The following CTBP1 variants were observed in gnomAD, a reference collection of about 807,000 sequenced individuals.
CTBP1 encodes the protein C-terminal binding protein 1, also known as C-terminal-binding protein 1.
CTBP1 carries 11 observed loss-of-function variants against 42.1 expected under a neutral mutation model. The ratio of observed to expected loss-of-function variants is 0.26; its 90% CI spans 0.16 to 0.43. The LOEUF (loss-of-function observed/expected upper bound fraction) is 0.43, where lower values mean the gene tolerates loss of function less well. Among genes scored for constraint, CTBP1 ranks in the 20% least tolerant of loss-of-function variants. The probability of loss-of-function intolerance (pLI) is 1.00; values close to 1 mark genes in which losing one functional copy is unlikely to be tolerated. For missense variants in CTBP1, 399 were observed against 624.3 expected, an observed-to-expected ratio of 0.64 and a Z score of 3.85; for synonymous variants, 324 against 277.1, an observed-to-expected ratio of 1.17 and a Z score of -1.68.
In CTBP1 at chr4:1,233,732, G is replaced by A. The variant is rs574777157; in HGVS notation, c.162+4451C>T. On this transcript the variant is annotated intron_variant, in intron 3 of 9. Transcript: ENST00000382952. This position sits in a 1 kb window ranked among gnomAD's most constrained non-coding sequence, Gnocchi z 4.6. The stretch of plus-strand genomic sequence containing the variant: ...CCTCCCAGGCCCCGACATTCTTCCC[G>A]CTCCTCCTGTGACCGCACTGACGGT... Among the ~76,000 whole-genome samples the A allele has an allele frequency of 2.0e-4, 31 of 152,234 alleles. No individual in the cohort carries two copies. The highest frequency in any genetic ancestry group is 3.1e-4 in the Non-Finnish European group (21 of 68,014).
Position 1,247,481 on chromosome 4 carries a change from G to C in CTBP1, c.-189+1435C>G, listed in dbSNP as rs976526784. 1.2e-4 allele frequency among the ~76,000 whole-genome samples: 18 copies of C among 152,276 alleles called. No individual in the cohort carries two copies. In the East Asian group the frequency reaches 3.1e-3, roughly 26 times the overall value. On this transcript the variant is annotated intron_variant, in intron 1 of 9. Transcript: ENST00000382952. ...GCAGGCAGGGGAGACCTGGGAGGCC[G>C]GGTGCTGAGGCCCAGGGCAGAGCCA...
At chr4:1,227,608 G>A (rs377572342) in intron 4 of CTBP1, among the ~76,000 whole-genome samples, 3 of 145,838 alleles carry the variant, frequency 2.1e-5, no homozygotes, top group East Asian at 4.2e-4. Flanking sequence ...GCATGTGCAC[G>A]GGTGCAGATG....
chr4:1,244,350 GCACT>G, intron 1 of CTBP1: 4 of 842,672 alleles, frequency 4.7e-6, no homozygotes, highest in Non-Finnish European at 5.4e-6. Flanking sequence ...GGGTCTCTGG[GCACT>G]GGGGGGGGGG....
chr4:1,226,769 GC>G (rs1317184514), intron 4 of CTBP1, among the ~76,000 whole-genome samples: 4 of 151,628 alleles, frequency 2.6e-5, no homozygotes, highest in African/African-American at 9.7e-5. Context: ...TTCCTGGGAC[GC>G]CACCACAGAG....
intron 4 of CTBP1, among the ~76,000 whole-genome samples, chr4:1,226,427 G>C (rs3775104): frequency 0.026 from 3,950 of 152,166 alleles, 339 homozygotes; most frequent in Admixed American, 0.18. Flanking sequence ...GGTTCCGCAA[G>C]GGGTCCCGGG....
intron 1 of CTBP1, among the ~76,000 whole-genome samples, chr4:1,245,809 G>A (rs1732662934): frequency 6.6e-6 from 1 of 152,040 alleles, no homozygotes; most frequent in Non-Finnish European, 1.5e-5. Flanking sequence ...GGCGGTGCCA[G>A]GGGAGGGTGC....
chr4:1,244,474 G>T (rs1378332107), intron 1 of CTBP1: 1 of 985,018 alleles, frequency 1.0e-6, no homozygotes, highest in Non-Finnish European at 1.2e-6. Flanking sequence ...TCAGACCCAG[G>T]CTCGGCAGCT....
At chr4:1,232,343 G>A (rs575831263) in intron 3 of CTBP1, among the ~76,000 whole-genome samples, 1 of 152,220 alleles carries the variant, frequency 6.6e-6, no homozygotes, top group African/African-American at 2.4e-5. Context: ...ACAGAGTCTT[G>A]CTCTGTTGCC....
intron 1 of CTBP1, among the ~76,000 whole-genome samples, chr4:1,246,027 A>C (rs1732683406): frequency 6.6e-6 from 1 of 152,202 alleles, no homozygotes; most frequent in Non-Finnish European, 1.5e-5. Context: ...TTCTGGCTTC[A>C]CAGGGAAAAA....
intron 5 of CTBP1, among the ~76,000 whole-genome samples, chr4:1,224,119 T>C (rs1402507518): frequency 6.6e-6 from 1 of 152,250 alleles, no homozygotes; most frequent in Admixed American, 6.5e-5. Flanking sequence ...GGCGAGCACA[T>C]GCTAGACCGT....
At position 1,225,548 on chromosome 4, in the gene CTBP1, A is replaced by G; in HGVS notation, c.326T>C (p.Val109Ala). ...CGTCTCCTCCACAGACGCCGCGGGC[A>G]CGTTGCAGACGGCAATGCCTGTGGG... ...AGDLGIAVCN[V>A]PAASVEETAD... Residue 109 changes from valine (V) to alanine (A), a missense_variant, in exon 5 of 10, where the codon GTG becomes GCG. Around this residue, in one of 4 missense-constraint regions of CTBP1, gnomAD observed 309 missense variants for 497.5 expected, o/e 0.62. Coordinates refer to ENST00000382952, the MANE Select transcript of CTBP1 (RefSeq NM_001012614.2). 1 of 1,541,550 alleles carries G rather than the reference A, an allele frequency of 6.5e-7. No individual in the cohort carries two copies. Among genetic ancestry groups the G allele is most frequent in the Non-Finnish European group, 8.7e-7 (1 of 1,146,474 alleles).
intron 5 of CTBP1, chr4:1,221,690 T>C (rs1577031070): frequency 6.2e-6 from 2 of 320,716 alleles, no homozygotes; most frequent in East Asian, 1.1e-4. Context: ...CCCTCTGCTC[T>C]AGGAAGCGGG....
intron 3 of CTBP1, among the ~76,000 whole-genome samples, chr4:1,229,551 G>A (rs560297163): frequency 4.1e-4 from 62 of 152,308 alleles, no homozygotes; most frequent in Middle Eastern, 3.4e-3. Flanking sequence ...AGAGGTTGCC[G>A]GGGCCTAGGT....
At chr4:1,215,855 TG>T (rs972337626) in intron 6 of CTBP1, 135 bp downstream of exon 6, 2 of 914,106 alleles carry the variant, frequency 2.2e-6, no homozygotes, top group Non-Finnish European at 3.3e-6. Context: ...CCAGCAGGGC[TG>T]GCAGCCGCCG....
chr4:1,238,483 A>C lies in CTBP1; in HGVS notation c.8-146T>G. ...TATGTTGTGATATTTGTAAAAAGTA[A>C]ATTAAAAATCCACGTGAAAGACAAC... On this transcript the variant is annotated intron_variant, in intron 2 of 9. Transcript: ENST00000382952. The surrounding 1 kb of genome is among the most constrained non-coding windows in gnomAD (Gnocchi z 5.9). 1 of 1,054,198 alleles carries C rather than the reference A, an allele frequency of 9.5e-7. No homozygotes were observed. The highest frequency in any genetic ancestry group is 1.3e-6 in the Non-Finnish European group (1 of 767,240). 65.3% of individuals were successfully genotyped at this position (1,054,198 alleles called of 1,614,324 possible).
intron 1 of CTBP1, chr4:1,242,346 G>C (rs575607289): frequency 1.0e-6 from 1 of 985,260 alleles, no homozygotes; most frequent in African/African-American, 1.7e-5. Flanking sequence ...ACGTGCAGCT[G>C]ACATCAGGCT....
In CTBP1 at chr4:1,238,008, G is replaced by A. The variant is rs1055205219; in HGVS notation, c.162+175C>T. 6 of 831,220 alleles carry A rather than the reference G, an allele frequency of 7.2e-6. No homozygotes were observed. The highest frequency in any genetic ancestry group is 1.4e-5 in the South Asian group (1 of 72,270). 51.5% of individuals were successfully genotyped at this position (831,220 alleles called of 1,614,324 possible). A position where few individuals can be genotyped will look rare whatever the true frequency, so the allele number is the denominator to read the frequency against. ...GCAAACCCGATGTCCACCTCCTGAT[G>A]GTGTCCAGGGAAAACCCCGTGTCCA... On this transcript the variant is annotated intron_variant, in intron 3 of 9. Transcript: ENST00000382952. This position sits in a 1 kb window ranked among gnomAD's most constrained non-coding sequence, Gnocchi z 5.9.
At chr4:1,245,522 G>A in intron 1 of CTBP1, 1 of 985,336 alleles carries the variant, frequency 1.0e-6, no homozygotes, top group Non-Finnish European at 1.2e-6. Context: ...CAGCCCAGGA[G>A]CCCCCACACC....
Position 1,214,523 on chromosome 4 carries a change from G to C in CTBP1, c.730-50C>G, listed in dbSNP as rs369539188. 2.0e-6 allele frequency: 3 copies of C among 1,512,596 alleles called. No homozygotes were observed. The East Asian group carries it at 7.9e-5, about 40-fold the overall frequency. 93.7% of individuals were successfully genotyped at this position (1,512,596 alleles called of 1,614,324 possible). A position where few individuals can be genotyped will look rare whatever the true frequency, so the allele number is the denominator to read the frequency against. On this transcript the variant is annotated intron_variant, in intron 6 of 9. Coordinates refer to ENST00000382952, the MANE Select transcript of CTBP1 (RefSeq NM_001012614.2). Reference sequence around the variant, plus strand: ...GCCCAGTCAGGGATCCGCACAGGGCGGGCAGCCAGGGAAGCAAGGTGGTCA... The same window carrying C: ...GCCCAGTCAGGGATCCGCACAGGGCCGGCAGCCAGGGAAGCAAGGTGGTCA...
Sources: gnomAD v4.1 joint callset for allele counts (sites outside exome capture counted in the v4.1 genomes callset) on GRCh38, gnomAD v4.1.1 for gene constraint, gnomAD v4.1.1 regional missense constraint, Gnocchi (gnomAD v3.1) non-coding constraint, MANE v1.5 for transcripts, NCBI Gene and HGNC (gene_info 2026-07-23, HGNC 2026-07-21) for gene names.